The following PDE1C variants were observed in gnomAD, a reference collection of about 807,000 sequenced individuals.
The protein encoded by PDE1C is dual specificity calcium/calmodulin-dependent 3',5'-cyclic nucleotide phosphodiesterase 1C.
PDE1C carries 62 observed loss-of-function variants against 93.1 expected under a neutral mutation model. The observed-to-expected ratio is 0.67, with a 90% CI of 0.54 to 0.82. The LOEUF (loss-of-function observed/expected upper bound fraction) is 0.82, where lower values mean the gene tolerates loss of function less well. PDE1C is among the 40% of genes least tolerant of loss of function. PDE1C has a pLI of 0.00. For missense variants in PDE1C, 742 were observed against 884.6 expected (o/e 0.84, Z 2.04); for synonymous variants, 325 against 310.1 (o/e 1.05, Z -0.50).
intron 3 of PDE1C, among the ~76,000 whole-genome samples, chr7:32,085,082 T>A: frequency 7.0e-6 from 1 of 142,062 alleles, no homozygotes; most frequent in African/African-American, 2.7e-5. Context: ...TTTGAAAGGA[T>A]CAACAAAATT....
At chr7:31,980,702 T>C (rs1471619447) in intron 2 of PDE1C, among the ~76,000 whole-genome samples, 2 of 152,162 alleles carry the variant, frequency 1.3e-5, no homozygotes, top group African/African-American at 4.8e-5. Flanking sequence ...CTAAAATGGG[T>C]CTCACAGGGC....
Position 31,809,083 on chromosome 7 carries a change from C to T in PDE1C, c.1839G>A (p.Lys613=), listed in dbSNP as rs779018617. 1 of 1,593,508 alleles carries T rather than the reference C, an allele frequency of 6.3e-7. No homozygotes were observed. The highest frequency in any genetic ancestry group is 8.6e-7 in the Non-Finnish European group (1 of 1,162,500). Residue 613 remains lysine (K), a synonymous_variant, in exon 16 of 18, where the codon AAG becomes AAA. Coordinates refer to ENST00000396191, the MANE Select transcript of PDE1C (RefSeq NM_001191057.4). ...TGTTAGAGTGATCCTTCTTGTCTGT[C>T]TTATTTTTACCATCTTTGAAGTCAC... ...QNGDFKDGKN[K]TDKKDHSNIG...
At chr7:31,880,668 T>C in intron 3 of PDE1C, 79 bp downstream of exon 3, 1 of 799,740 alleles carries the variant, frequency 1.3e-6, no homozygotes, top group Non-Finnish European at 2.1e-6. Context: ...ATTCCTGGCA[T>C]GGGGGACAAT....
intron 1 of PDE1C, among the ~76,000 whole-genome samples, chr7:32,389,157 CGTGT>C (rs575896243): frequency 3.8e-4 from 52 of 135,782 alleles, no homozygotes; most frequent in Admixed American, 9.5e-4. Flanking sequence ...TGATAGCTGA[CGTGT>C]GTGTGTGTGT....
chr7:32,113,479 T>C, intron 3 of PDE1C, among the ~76,000 whole-genome samples: 1 of 151,346 alleles, frequency 6.6e-6, no homozygotes, highest in Admixed American at 6.6e-5. Flanking sequence ...TCTTTGTTTC[T>C]TAAAAATAAC....
intron 2 of PDE1C, among the ~76,000 whole-genome samples, chr7:31,902,810 CTATT>C (rs912668998): frequency 3.3e-5 from 5 of 151,046 alleles, no homozygotes; most frequent in Non-Finnish European, 7.4e-5. Flanking sequence ...TATTGATATA[CTATT>C]TATAATATCG....
chr7:31,775,728 T>G lies in PDE1C; in HGVS notation c.1896A>C (p.Thr632=). 1 of 1,612,794 alleles carries G rather than the reference T, an allele frequency of 6.2e-7. No individual in the cohort carries two copies. Among genetic ancestry groups the G allele is most frequent in the Non-Finnish European group, 8.5e-7 (1 of 1,179,792 alleles). The change falls in exon 17 of 18, where the codon ACA becomes ACC. Residue 632 remains threonine (T), a synonymous_variant. Coordinates refer to ENST00000396191, the MANE Select transcript of PDE1C (RefSeq NM_001191057.4). ...IGNDSKKTDG[T]KQRSHGSPAP... is the part of the protein sequence containing the mutation. ...CTGGTGAGCCGTGAGAACGCTGTTT[T>G]GTGCCTGTGAAGAGGAAAAAGAGGA...
chr7:31,707,578 G>T, the PDE1C span: 236 of 322,214 alleles, frequency 7.3e-4, no homozygotes, highest in African/African-American at 4.6e-3. Context: ...TTCGGTTTCT[G>T]CATCTTCTGG....
intron 16 of PDE1C, among the ~76,000 whole-genome samples, chr7:31,798,016 T>A (rs1785521356): frequency 6.6e-6 from 1 of 151,554 alleles, no homozygotes; most frequent in African/African-American, 2.4e-5. Flanking sequence ...AGAAACAGAT[T>A]TCAAGATATT....
chr7:32,149,792 A>G (rs982594445), intron 3 of PDE1C, among the ~76,000 whole-genome samples: 1 of 152,180 alleles, frequency 6.6e-6, no homozygotes, highest in Non-Finnish European at 1.5e-5. Flanking sequence ...TCCCTTTTCC[A>G]TGTGCATGTA....
At chr7:31,964,143 CA>C in intron 2 of PDE1C, among the ~76,000 whole-genome samples, 1 of 152,312 alleles carries the variant, frequency 6.6e-6, no homozygotes, top group East Asian at 1.9e-4. Flanking sequence ...GTGCGTGAGC[CA>C]AAGCACGGCA....
At chr7:32,169,200 G>T (rs772841256) in intron 3 of PDE1C, among the ~76,000 whole-genome samples, 3 of 152,160 alleles carry the variant, frequency 2.0e-5, no homozygotes, top group Non-Finnish European at 4.4e-5. Context: ...TGGGTGAGAA[G>T]GCAAGGGATG....
chr7:31,748,954 C>A (rs1319867193), downstream of PDE1C, among the ~76,000 whole-genome samples: 19 of 152,188 alleles, frequency 1.2e-4, no homozygotes, highest in Admixed American at 1.2e-3. Flanking sequence ...TGAAAGCTTG[C>A]TGATGTACAA....
At chr7:32,051,818 G>C (rs534897496) in intron 1 of PDE1C, among the ~76,000 whole-genome samples, 1 of 152,142 alleles carries the variant, frequency 6.6e-6, no homozygotes, top group Non-Finnish European at 1.5e-5. Context: ...CAGTGGCTCT[G>C]CTCCCATGTT....
chr7:32,407,072 G>A (rs1316617929), intron 1 of PDE1C, among the ~76,000 whole-genome samples: 4 of 152,084 alleles, frequency 2.6e-5, no homozygotes, highest in South Asian at 2.1e-4. Flanking sequence ...TCAGGAGCTC[G>A]AGACCAGCCT....
chr7:31,982,652 A>G (rs1249046161), intron 2 of PDE1C, among the ~76,000 whole-genome samples: 1 of 152,186 alleles, frequency 6.6e-6, no homozygotes. Context: ...CCTGTGAATA[A>G]AACGCAAAAA....
chr7:32,068,007 C>G (rs532214048), intron 1 of PDE1C, among the ~76,000 whole-genome samples: 1 of 152,058 alleles, frequency 6.6e-6, no homozygotes, highest in East Asian at 1.9e-4. Context: ...GAAGGAGATG[C>G]GATAACATTG....
chr7:31,852,337 AC>A (rs1427988953), intron 7 of PDE1C, among the ~76,000 whole-genome samples: 10 of 152,222 alleles, frequency 6.6e-5, no homozygotes, highest in Admixed American at 6.5e-5. Context: ...TCAATAATAT[AC>A]CTCAAAAACA....
At chr7:32,242,282 T>G (rs574107431) in intron 1 of PDE1C, among the ~76,000 whole-genome samples, 19 of 152,186 alleles carry the variant, frequency 1.2e-4, no homozygotes, top group African/African-American at 4.1e-4. Flanking sequence ...ACAATGAAGA[T>G]AGGTTCAAGA....
Sources: gnomAD v4.1 joint callset for allele counts (sites outside exome capture counted in the v4.1 genomes callset) on GRCh38, gnomAD v4.1.1 for gene constraint, MANE v1.5 for transcripts, NCBI Gene and HGNC (gene_info 2026-07-23, HGNC 2026-07-21) for gene names.